Variants in GAB2 observed in about 807,000 individuals in gnomAD.
The protein encoded by GAB2 is GRB2 associated binding protein 2.
A neutral mutation model predicts 65.5 loss-of-function variants in GAB2; 26 were observed. That is an observed-to-expected ratio of 0.40 (90% CI 0.29 to 0.55). GAB2 has a LOEUF of 0.55. Ranked by LOEUF, GAB2 falls within the 20% of genes least tolerant of loss-of-function variation. The pLI is 0.53. For synonymous variants in GAB2, 321 were observed against 329.6 expected (o/e 0.97, Z 0.28); for missense variants, 884 against 875.8 (o/e 1.01, Z -0.12).
At chr11:78,320,725 CTTTTTT>C (rs72241707) in intron 1 of GAB2, among the ~76,000 whole-genome samples, 4 of 102,466 alleles carry the variant, frequency 3.9e-5, no homozygotes, top group Non-Finnish European at 7.9e-5. Flanking sequence ...TAATTTTTGC[CTTTTTT>C]TTTTTTTTTT....
At chr11:78,380,896 A>G (rs1463371214) in intron 1 of GAB2, among the ~76,000 whole-genome samples, 1 of 151,994 alleles carries the variant, frequency 6.6e-6, no homozygotes, top group Admixed American at 6.6e-5. Flanking sequence ...AACCAGTCAA[A>G]TCACTGTAAC....
Position 78,223,575 on chromosome 11 carries a change from T to C in GAB2, c.1404A>G (p.Ala468=), listed in dbSNP as rs1399438942. 1.2e-6 allele frequency: 2 copies of C among 1,613,878 alleles called. No homozygotes were observed. Among genetic ancestry groups the C allele is most frequent in the Non-Finnish European group, 8.5e-7 (1 of 1,179,866 alleles). ...TGTAGACGCTCTGGGAATTATCACC[T>C]GCTCGTTCCATGGCCAACAGGGTGG... ...GSSTLLAMER[A]GDNSQSVYIP... The change falls in exon 6 of 10, where the codon GCA becomes GCG. Residue 468 remains alanine, a synonymous_variant. Transcript: ENST00000361507.
chr11:78,219,266 C>T lies in GAB2; in HGVS notation c.*6G>A, dbSNP rs761496755. The T allele has an allele frequency of 1.2e-5, 20 of 1,612,526 alleles. No individual in the cohort carries two copies. The Admixed American group carries it at 3.2e-4, about 26-fold the overall frequency. ...CTGCCTCCTGGGCTCTGCGGTGGCCCTCTCATCACAGCTTGGCACCCTTGG... is the reference window on the plus strand; with the variant it reads ...CTGCCTCCTGGGCTCTGCGGTGGCCTTCTCATCACAGCTTGGCACCCTTGG... On this transcript the variant is annotated 3_prime_UTR_variant, in exon 10 of 10. Coordinates refer to ENST00000361507, the MANE Select transcript of GAB2 (RefSeq NM_080491.3).
chr11:78,348,698 T>C (rs1856228578), intron 1 of GAB2, among the ~76,000 whole-genome samples: 1 of 152,234 alleles, frequency 6.6e-6, no homozygotes, highest in Non-Finnish European at 1.5e-5. Flanking sequence ...ATCTACCATA[T>C]GACTGAGCCA....
intron 2 of GAB2, among the ~76,000 whole-genome samples, chr11:78,267,555 G>A (rs1865901547): frequency 2.0e-5 from 3 of 152,122 alleles, no homozygotes; most frequent in African/African-American, 7.2e-5. Flanking sequence ...TAACATACAT[G>A]CACAAAGAGA....
Position 78,238,143 on chromosome 11 carries a change from G to A in GAB2, c.621-11092C>T, listed in dbSNP as rs12291459. On this transcript the variant is annotated intron_variant, in intron 3 of 9. Transcript: ENST00000361507. Reference sequence around the variant, plus strand: ...ACTACCATGGCACATGTTTACCTATGTAACAAACCTGCACATCCTTCACAT... The same window carrying A: ...ACTACCATGGCACATGTTTACCTATATAACAAACCTGCACATCCTTCACAT... 1.0e-3 allele frequency among the ~76,000 whole-genome samples: 137 copies of A among 137,008 alleles called. 4 individuals are homozygous for A. In the East Asian group the frequency reaches 0.028, roughly 28 times the overall value. 89.9% of individuals were successfully genotyped at this position (137,008 alleles called of 152,430 possible).
At chr11:78,351,229 C>A (rs551074099) in intron 1 of GAB2, among the ~76,000 whole-genome samples, 30 of 152,032 alleles carry the variant, frequency 2.0e-4, no homozygotes, top group Admixed American at 7.9e-4. Flanking sequence ...TTAGAAGGGG[C>A]CTTCGGCATC....
chr11:78,323,089 T>C (rs745554310), intron 1 of GAB2, among the ~76,000 whole-genome samples: 7 of 152,152 alleles, frequency 4.6e-5, no homozygotes, highest in African/African-American at 7.2e-5. Flanking sequence ...CAATGGTGGA[T>C]TGGATTTAAA....
intron 3 of GAB2, among the ~76,000 whole-genome samples, chr11:78,237,625 A>G (rs1865015941): frequency 6.6e-6 from 1 of 152,136 alleles, no homozygotes; most frequent in African/African-American, 2.4e-5. Flanking sequence ...CTTGTGGGGA[A>G]AAAAAAGGGT....
At chr11:78,305,381 T>C (rs1238182121) in intron 1 of GAB2, among the ~76,000 whole-genome samples, 1 of 152,140 alleles carries the variant, frequency 6.6e-6, no homozygotes, top group Non-Finnish European at 1.5e-5. Context: ...TACTTTAAGG[T>C]ATAAAACTAA....
intron 3 of GAB2, among the ~76,000 whole-genome samples, chr11:78,247,268 T>G (rs1320713623): frequency 6.6e-6 from 1 of 152,222 alleles, no homozygotes; most frequent in Non-Finnish European, 1.5e-5. Context: ...CTTTGGATTT[T>G]GTCCAGAGTT....
At chr11:78,408,260 G>A (rs565361111) in intron 1 of GAB2, among the ~76,000 whole-genome samples, 14 of 152,218 alleles carry the variant, frequency 9.2e-5, no homozygotes, top group Middle Eastern at 6.8e-3. Context: ...GGACATAAAG[G>A]GAGGTAAGGT....
intron 1 of GAB2, among the ~76,000 whole-genome samples, chr11:78,308,475 T>C (rs12286511): frequency 0.017 from 2,623 of 152,218 alleles, 87 homozygotes; most frequent in African/African-American, 0.061. Flanking sequence ...CTGGAGGACC[T>C]TGAATGCTGC....
intron 5 of GAB2, among the ~76,000 whole-genome samples, chr11:78,224,418 G>C (rs1352994658): frequency 6.6e-6 from 1 of 152,108 alleles, no homozygotes; most frequent in Non-Finnish European, 1.5e-5. Flanking sequence ...GGCCAGTTGT[G>C]TTTCCCCAGT....
At chr11:78,298,591 C>T (rs12295963) in intron 1 of GAB2, among the ~76,000 whole-genome samples, 2,394 of 152,298 alleles carry the variant, frequency 0.016, 76 homozygotes, top group African/African-American at 0.056. Context: ...ACTCGAAATC[C>T]ATTAGGGGAA....
intron 1 of GAB2, among the ~76,000 whole-genome samples, chr11:78,362,800 T>C (rs544440611): frequency 2.0e-5 from 3 of 152,104 alleles, no homozygotes; most frequent in Admixed American, 6.5e-5. Flanking sequence ...GCATATACAT[T>C]ACTCAAAAGA....
chr11:78,308,623 G>A (rs1855421964), intron 1 of GAB2, among the ~76,000 whole-genome samples: 1 of 152,126 alleles, frequency 6.6e-6, no homozygotes, highest in African/African-American at 2.4e-5. Flanking sequence ...AAGGAAGCGA[G>A]TATAAAAATG....
At chr11:78,380,089 G>A (rs1437328219) in intron 1 of GAB2, among the ~76,000 whole-genome samples, 1 of 152,176 alleles carries the variant, frequency 6.6e-6, no homozygotes, top group Non-Finnish European at 1.5e-5. Context: ...TCTTTTTTGT[G>A]TATGCAAGAG....
chr11:78,308,769 A>T (rs1286703913), intron 1 of GAB2, among the ~76,000 whole-genome samples: 1 of 152,212 alleles, frequency 6.6e-6, no homozygotes, highest in Admixed American at 6.5e-5. Flanking sequence ...GATGGAGTGG[A>T]ATAAGAAGAA....
Sources: gnomAD v4.1 joint callset for allele counts (sites outside exome capture counted in the v4.1 genomes callset) on GRCh38, gnomAD v4.1.1 for gene constraint, MANE v1.5 for transcripts, NCBI Gene and HGNC (gene_info 2026-07-23, HGNC 2026-07-21) for gene names.